Variants in BMPR2 observed in about 807,000 individuals in gnomAD.
BMPR2 encodes bone morphogenetic protein receptor type 2.
BMPR2 carries 29 observed loss-of-function variants against 100.8 expected under a neutral mutation model. That is an observed-to-expected ratio of 0.29 (90% CI 0.21 to 0.39). The LOEUF (loss-of-function observed/expected upper bound fraction) is 0.39, where lower values mean the gene tolerates loss of function less well. Among genes scored for constraint, BMPR2 ranks in the 10% least tolerant of loss-of-function variants. BMPR2 has a pLI of 1.00. For synonymous variants in BMPR2, 382 were observed against 442.3 expected (o/e 0.86, Z 1.71); for missense variants, 1,011 against 1,274.5 (o/e 0.79, Z 3.15).
intron 2 of BMPR2, among the ~76,000 whole-genome samples, chr2:202,466,021 A>G (rs1015059425): frequency 6.6e-6 from 1 of 152,206 alleles, no homozygotes; most frequent in Non-Finnish European, 1.5e-5. Flanking sequence ...AGATTATTCT[A>G]TTGGTAGACA....
chr2:202,448,138 A>G (rs1186775445), intron 1 of BMPR2, among the ~76,000 whole-genome samples: 1 of 145,178 alleles, frequency 6.9e-6, no homozygotes, highest in Non-Finnish European at 1.5e-5. Flanking sequence ...AATAATAAGT[A>G]TTTGACTTTT....
At chr2:202,414,970 G>A (rs769832680) in intron 1 of BMPR2, among the ~76,000 whole-genome samples, 8 of 151,916 alleles carry the variant, frequency 5.3e-5, no homozygotes, top group Non-Finnish European at 1.0e-4. Context: ...GAACTCAGGT[G>A]ATCCGCTTCC....
chr2:202,417,718 T>C (rs575877785), intron 1 of BMPR2, among the ~76,000 whole-genome samples: 1 of 133,242 alleles, frequency 7.5e-6, no homozygotes, highest in African/African-American at 3.5e-5. Context: ...TCTATATTCC[T>C]TTTTTTTTTT....
rs551802392 is a variant in BMPR2, at chr2:202,388,208, C to A, written c.76+10658C>A. 2.0e-5 allele frequency among the ~76,000 whole-genome samples: 3 copies of A among 150,850 alleles called. No homozygotes were observed. The South Asian group carries it at 6.4e-4, about 32-fold the overall frequency. ...GATCAGGAGTTTGAGAACAGCCTGG[C>A]CAACGTGATGAAACCCTGTCTCTAC... On this transcript the variant is annotated intron_variant, in intron 1 of 12. Coordinates refer to ENST00000374580, the MANE Select transcript of BMPR2 (RefSeq NM_001204.7).
chr2:202,442,886 A>G (rs1691776116), intron 1 of BMPR2, among the ~76,000 whole-genome samples: 2 of 150,602 alleles, frequency 1.3e-5, no homozygotes, highest in African/African-American at 2.5e-5. Flanking sequence ...CCTATTGTGA[A>G]TAATAATGCA....
At chr2:202,475,329 C>T (rs1056474064) in intron 3 of BMPR2, among the ~76,000 whole-genome samples, 2 of 151,922 alleles carry the variant, frequency 1.3e-5, no homozygotes, top group African/African-American at 2.4e-5. Flanking sequence ...TCACCACGCC[C>T]GGCCACATTT....
At chr2:202,434,128 A>T (rs1030018016) in intron 1 of BMPR2, among the ~76,000 whole-genome samples, 6 of 150,600 alleles carry the variant, frequency 4.0e-5, no homozygotes, top group African/African-American at 1.5e-4. Flanking sequence ...CTTTCATCTC[A>T]TTGGGGGCCA....
chr2:202,479,510 GAA>G (rs1222023503), intron 3 of BMPR2, among the ~76,000 whole-genome samples: 3 of 151,658 alleles, frequency 2.0e-5, no homozygotes. Flanking sequence ...TGAGAGGAAA[GAA>G]GAGAATTCCC....
intron 1 of BMPR2, among the ~76,000 whole-genome samples, chr2:202,390,826 T>C (rs1371294495): frequency 6.6e-6 from 1 of 152,120 alleles, no homozygotes; most frequent in African/African-American, 2.4e-5. Flanking sequence ...TTTTTCTTAC[T>C]GATTTAAAGG....
rs796078041 is a variant in BMPR2, at chr2:202,492,725, C to CAA, written c.419-20984_419-20983dup. Among the ~76,000 whole-genome samples the CAA allele has an allele frequency of 3.9e-3, 436 of 111,654 alleles. 3 individuals are homozygous for CAA. Among genetic ancestry groups the CAA allele is most frequent in the African/African-American group, 0.011 (348 of 30,424 alleles). 73.2% of individuals were successfully genotyped at this position (111,654 alleles called of 152,430 possible). ...CAAAAAAAAAAAAAAAAAAAAAAACCAAAAAAAAAAACAAAAAGGAAATCA... is the reference window on the plus strand; with the variant it reads ...CAAAAAAAAAAAAAAAAAAAAAAACCAAAAAAAAAAAAACAAAAAGGAAATCA... On this transcript the variant is annotated intron_variant, in intron 3 of 12. Transcript: ENST00000374580.
chr2:202,464,735 G>A, intron 1 of BMPR2, 74 bp from the exon 2 acceptor site: 1 of 1,382,350 alleles, frequency 7.2e-7, no homozygotes, highest in East Asian at 2.5e-5. Context: ...AAGTCATTCG[G>A]ATAAGACAAA....
chr2:202,566,897 G>C lies in BMPR2; in HGVS notation c.*6951G>C, dbSNP rs555803457. The C allele has an allele frequency of 6.6e-6, 1 of 152,150 alleles. No homozygotes were observed. Among genetic ancestry groups the C allele is most frequent in the African/African-American group, 2.4e-5 (1 of 41,508 alleles). The allele number at this position is 152,150 out of a possible 1,614,324, so 9.4% of individuals were successfully genotyped here. On this transcript the variant is annotated 3_prime_UTR_variant, in exon 13 of 13. Transcript: ENST00000374580. ...GCTCTTCACCTTGTTACCAATCCTC[G>C]TAAGTATGTAAAGGAAACATATTTT... is the stretch of plus-strand genomic sequence containing the variant.
chr2:202,499,268 C>T (rs1399359823), intron 3 of BMPR2, among the ~76,000 whole-genome samples: 1 of 152,200 alleles, frequency 6.6e-6, no homozygotes, highest in Non-Finnish European at 1.5e-5. Flanking sequence ...AGATGTCATG[C>T]TACTGTTAGA....
intron 7 of BMPR2, among the ~76,000 whole-genome samples, chr2:202,527,009 G>A (rs930512486): frequency 1.3e-5 from 2 of 151,930 alleles, no homozygotes; most frequent in Non-Finnish European, 2.9e-5. Context: ...GATTACAGAC[G>A]TCCACCACCA....
chr2:202,402,538 CAA>C (rs1348766963), intron 1 of BMPR2, among the ~76,000 whole-genome samples: 1 of 151,858 alleles, frequency 6.6e-6, no homozygotes, highest in Non-Finnish European at 1.5e-5. Context: ...AACAAACAAA[CAA>C]AAGAAAGAAT....
Position 202,441,136 on chromosome 2 carries a change from A to C in BMPR2, c.77-23673A>C, listed in dbSNP as rs575572746. Among the ~76,000 whole-genome samples, 148 of 149,858 alleles carry C rather than the reference A, an allele frequency of 9.9e-4. 13 individuals carry two copies. Among genetic ancestry groups the C allele is most frequent in the African/African-American group, 3.6e-3 (140 of 39,388 alleles). ...GCTGGGACTACAGGCGCATGCTGCC[A>C]CACCTGGTTAATTTTTTGTATTTTA... On this transcript the variant is annotated intron_variant, in intron 1 of 12. Transcript: ENST00000374580.
chr2:202,500,952 A>G (rs931623073), intron 3 of BMPR2, among the ~76,000 whole-genome samples: 2 of 152,128 alleles, frequency 1.3e-5, no homozygotes, highest in Non-Finnish European at 2.9e-5. Context: ...GGGTTTAGGG[A>G]TAGCCTTCAT....
chr2:202,424,435 C>T (rs1236483871), intron 1 of BMPR2, among the ~76,000 whole-genome samples: 1 of 150,024 alleles, frequency 6.7e-6, no homozygotes, highest in Non-Finnish European at 1.5e-5. Flanking sequence ...TGGTGGCTCA[C>T]GCTTGTAATC....
At chr2:202,497,562 A>C (rs575366790) in intron 3 of BMPR2, among the ~76,000 whole-genome samples, 16 of 152,286 alleles carry the variant, frequency 1.1e-4, no homozygotes, top group African/African-American at 3.6e-4. Flanking sequence ...GACTGAGTCA[A>C]GGGTCGACAA....
Sources: allele counts gnomAD v4.1 joint callset (sites outside exome capture counted in the v4.1 genomes callset), GRCh38; gene constraint gnomAD v4.1.1; transcripts MANE v1.5; gene names NCBI Gene and HGNC (gene_info 2026-07-23, HGNC 2026-07-21).